NOP2: variants seen among roughly 807,000 people sequenced by gnomAD.
NOP2 encodes NOP2 nucleolar protein, also known as 28S rRNA (cytosine(4447)-C(5))-methyltransferase.
A neutral mutation model predicts 72.7 loss-of-function variants in NOP2; 7 were observed. The ratio of observed to expected loss-of-function variants is 0.10; its 90% CI spans 0.05 to 0.18. The LOEUF is 0.18. NOP2 is among the 10% of genes least tolerant of loss of function. The pLI, the probability that NOP2 is intolerant of heterozygous loss-of-function variation, is 1.00. For synonymous variants in NOP2, 387 were observed against 388.0 expected (o/e 1.00, Z 0.03); for missense variants, 954 against 1,014.7 (o/e 0.94, Z 0.81).
In NOP2 at chr12:6,561,815, G is replaced by A; in HGVS notation, c.1067-11C>T. 2 of 1,609,174 alleles carry A rather than the reference G, an allele frequency of 1.2e-6. No individual in the cohort carries two copies. The highest frequency in any genetic ancestry group is 1.1e-5 in the South Asian group (1 of 90,194). On this transcript the variant is annotated splice_polypyrimidine_tract_variant and intron_variant, in intron 10 of 15. Transcript: ENST00000322166. Reference sequence around the variant, plus strand: ...ACTCGGGGGTAGCACCTGTGGAGAAGGACCACCCTGTGACATGCGGTAGGG... The same window carrying A: ...ACTCGGGGGTAGCACCTGTGGAGAAAGACCACCCTGTGACATGCGGTAGGG...
In NOP2 at chr12:6,556,903, G is replaced by A; in HGVS notation, c.*90C>T. On this transcript the variant is annotated 3_prime_UTR_variant, in exon 16 of 16. Transcript: ENST00000322166. Reference sequence around the variant, plus strand: ...TTTAAAATGTGTATTAAATTTCATGGGTATGCACAGTAGAGAAGGCATCCT... The same window carrying A: ...TTTAAAATGTGTATTAAATTTCATGAGTATGCACAGTAGAGAAGGCATCCT... 1 of 1,427,792 alleles carries A rather than the reference G, an allele frequency of 7.0e-7. No homozygotes were observed. Among genetic ancestry groups the A allele is most frequent in the Non-Finnish European group, 9.6e-7 (1 of 1,037,042 alleles). The allele number at this position is 1,427,792 out of a possible 1,614,324, so 88.4% of individuals were successfully genotyped here.
Position 6,563,479 on chromosome 12 carries a change from G to A in NOP2, c.724C>T (p.Arg242Trp), listed in dbSNP as rs779039124. 8.7e-6 allele frequency: 14 copies of A among 1,612,256 alleles called. No individual in the cohort carries two copies. The highest frequency in any genetic ancestry group is 4.5e-5 in the East Asian group (2 of 44,860). The change falls in exon 8 of 16, where the codon CGG becomes TGG. Residue 242 changes from arginine to tryptophan, a missense_variant. Around this residue, in one of 3 missense-constraint regions of NOP2, gnomAD observed 498 missense variants for 478.3 expected, o/e 1.04. Coordinates refer to ENST00000322166, the MANE Select transcript of NOP2 (RefSeq NM_001258308.2). ...AGAATTCCCACAATATCCTGGATCCGCTTGTGAACTCGTTGCAGGTCTGGA... is the reference window on the plus strand; with the variant it reads ...AGAATTCCCACAATATCCTGGATCCACTTGTGAACTCGTTGCAGGTCTGGA... ...QAPDLQRVHK[R>W]IQDIVGILRD...
intron 4 of NOP2, 45 bp from the exon 5 acceptor site, chr12:6,566,381 C>T (rs756014677): frequency 5.0e-5 from 77 of 1,540,174 alleles, no homozygotes; most frequent in Non-Finnish European, 6.2e-5. Context: ...CACACATTCC[C>T]TGGCCCCACA....
chr12:6,558,596 T>G (rs1291827663), intron 15 of NOP2, among the ~76,000 whole-genome samples: 1 of 150,940 alleles, frequency 6.6e-6, no homozygotes, highest in East Asian at 1.9e-4. Flanking sequence ...TTTGAAGCAC[T>G]AGGCTTTATT....
At chr12:6,558,864 C>G (rs1488208442) in intron 15 of NOP2, among the ~76,000 whole-genome samples, 1 of 152,094 alleles carries the variant, frequency 6.6e-6, no homozygotes, top group East Asian at 1.9e-4. Context: ...CACACCTGGC[C>G]TATTTATTTT....
Position 6,563,366 on chromosome 12 carries a change from G to A in NOP2, c.837C>T (p.Ser279=). The A allele has an allele frequency of 6.2e-7, 1 of 1,603,982 alleles. No homozygotes were observed. The highest frequency in any genetic ancestry group is 8.5e-7 in the Non-Finnish European group (1 of 1,175,386). ...RLKKDLAIYY[S]YGDFLLGKLM... is the part of the protein sequence containing the mutation. The stretch of plus-strand genomic sequence containing the variant: ...GCTTGCCAAGCAGGAAGTCTCCATA[G>A]GAGTAGTAAATGGCCAGATCCTTCT... Residue 279 remains serine (S), a synonymous_variant, in exon 8 of 16, where the codon TCC becomes TCT. Transcript: ENST00000322166.
At chr12:6,567,694 A>G (rs1947817534) in intron 2 of NOP2, 122 bp downstream of exon 2, 4 of 732,568 alleles carry the variant, frequency 5.5e-6, no homozygotes, top group Non-Finnish European at 8.9e-6. Context: ...CATACCTCCT[A>G]GTAACTCATA....
rs1251541609 is a variant in NOP2 at position 6,560,826 on chromosome 12, C to CA, written c.1348-40dup. 2 of 1,608,334 alleles carry CA rather than the reference C, an allele frequency of 1.2e-6. No homozygotes were observed. The highest frequency in any genetic ancestry group is 2.7e-5 in the African/African-American group (2 of 74,700). On this transcript the variant is annotated intron_variant, in intron 12 of 15. Coordinates refer to ENST00000322166, the MANE Select transcript of NOP2 (RefSeq NM_001258308.2). This position sits in a 1 kb window ranked among gnomAD's most constrained non-coding sequence, Gnocchi z 5.0. The stretch of plus-strand genomic sequence containing the variant: ...ACAGATGAATCATATGTCTCTTCTG[C>CA]AACCAGCAGGGCAATATTTACTAGG...
chr12:6,560,464 A>G lies in NOP2; in HGVS notation c.1543T>C (p.Cys515Arg). Reference protein sequence around the residue: ...TSKTGGYLVYCTCSITVEENE... With the variant: ...TSKTGGYLVYRTCSITVEENE... ...GGTCTCACTGTGATAGAACAGGTGC[A>G]GTAAACCAGGTAGCCTCCTGTCTTG... Residue 515 changes from cysteine to arginine, a missense_variant, in exon 14 of 16, where the codon TGC (cysteine) becomes CGC (arginine). Physicochemically the swap from Cys to Arg is radical, Grantham distance 180. This residue lies in a region of NOP2 where 187 missense variants were observed against 276.2 expected (regional missense o/e 0.68). Transcript: ENST00000322166. This position sits in a 1 kb window ranked among gnomAD's most constrained non-coding sequence, Gnocchi z 5.0. 1.2e-6 allele frequency: 2 copies of G among 1,600,776 alleles called. No individual in the cohort carries two copies. The highest frequency in any genetic ancestry group is 1.7e-6 in the Non-Finnish European group (2 of 1,172,736).
In NOP2 at chr12:6,560,352, C is replaced by T. The variant is rs200285736; in HGVS notation, c.1561-26G>A. The T allele has an allele frequency of 1.9e-3, 3,054 of 1,609,350 alleles. 51 individuals are homozygous for T. In the South Asian group the frequency reaches 0.031, roughly 16 times the overall value. On this transcript the variant is annotated intron_variant, in intron 14 of 15. Transcript: ENST00000322166. The surrounding 1 kb of genome is among the most constrained non-coding windows in gnomAD (Gnocchi z 5.0). Reference sequence around the variant, plus strand: ...CTGGATGTGGGGGGAAGACAAAGAACGGAGGAAAAAGCAGAGCTGGAGCTG... The same window carrying T: ...CTGGATGTGGGGGGAAGACAAAGAATGGAGGAAAAAGCAGAGCTGGAGCTG...
At chr12:6,564,275 C>CAA (rs560024120) in intron 5 of NOP2, 14,688 of 73,794 alleles carry the variant, frequency 0.2, 1,302 homozygotes, top group African/African-American at 0.27. Flanking sequence ...GACTTCATCT[C>CAA]AAAAAAAAAA....
At chr12:6,566,881 G>A (rs1947793141) in intron 2 of NOP2, 59 bp from the exon 3 acceptor site, 4 of 1,390,784 alleles carry the variant, frequency 2.9e-6, no homozygotes, top group Admixed American at 3.9e-5. Context: ...AAATAAATGG[G>A]AACGGAAATA....
Position 6,557,188 on chromosome 12 carries a change from G to C in NOP2, c.2244C>G (p.Pro748=). ...TCTCAACCCCCTTGGCCCTTCCAAG[G>C]GGCTGATGATGGTCCTTAGGTTTCA... ...ATLKPKDHHQ[P]LGRAKGVEKQ... Residue 748 remains proline, a synonymous_variant, in exon 16 of 16, where the codon CCC becomes CCG. Transcript: ENST00000322166. 6.2e-7 allele frequency: 1 copy of C among 1,613,948 alleles called. No homozygotes were observed.
chr12:6,558,827 C>G (rs1368147285), intron 15 of NOP2, among the ~76,000 whole-genome samples: 1 of 152,024 alleles, frequency 6.6e-6, no homozygotes, highest in African/African-American at 2.4e-5. Context: ...TCCCAAAGTA[C>G]TGGGATTTAT....
chr12:6,564,438 AT>A (rs897066749), intron 5 of NOP2: 51 of 160,766 alleles, frequency 3.2e-4, no homozygotes, highest in South Asian at 1.4e-3. Flanking sequence ...ATTCTGCCAT[AT>A]TTTTTTTGAG....
In NOP2 at chr12:6,557,192, T is replaced by C; in HGVS notation, c.2240A>G (p.Gln747Arg). The C allele has an allele frequency of 2.5e-6, 4 of 1,613,970 alleles. No individual in the cohort carries two copies. The highest frequency in any genetic ancestry group is 3.4e-6 in the Non-Finnish European group (4 of 1,179,880). Residue 747 changes from glutamine to arginine, a missense_variant, in exon 16 of 16, where the codon CAG becomes CGG. Transcript: ENST00000322166. ...AACCCCCTTGGCCCTTCCAAGGGGCTGATGATGGTCCTTAGGTTTCAGGGT... is the reference window on the plus strand; with the variant it reads ...AACCCCCTTGGCCCTTCCAAGGGGCCGATGATGGTCCTTAGGTTTCAGGGT... Reference protein sequence around the residue: ...QATLKPKDHHQPLGRAKGVEK... With the variant: ...QATLKPKDHHRPLGRAKGVEK...
chr12:6,557,130 C>A lies in NOP2; in HGVS notation c.2302G>T (p.Ala768Ser), dbSNP rs776759001. Residue 768 changes from alanine to serine, a missense_variant, in exon 16 of 16, where the codon GCT becomes TCT. By Grantham distance (99) the Ala-to-Ser change is moderately conservative. This residue lies in a region of NOP2 where 269 missense variants were observed against 260.2 expected (regional missense o/e 1.03). Transcript: ENST00000322166. Reference sequence around the variant, plus strand: ...GTATCATTCTGTTTCTGGAAGGCAGCTTTCTCAAAAGGCTGCTCTGGCAAC... The same window carrying A: ...GTATCATTCTGTTTCTGGAAGGCAGATTTCTCAAAAGGCTGCTCTGGCAAC... ...QQLPEQPFEK[A>S]AFQKQNDTPK... 1.2e-6 allele frequency: 2 copies of A among 1,613,980 alleles called. No homozygotes were observed. The highest frequency in any genetic ancestry group is 1.7e-6 in the Non-Finnish European group (2 of 1,179,902).
At chr12:6,564,882 C>T (rs986751940) in intron 5 of NOP2, among the ~76,000 whole-genome samples, 2 of 151,930 alleles carry the variant, frequency 1.3e-5, no homozygotes, top group Non-Finnish European at 2.9e-5. Flanking sequence ...TGAACCATAA[C>T]TTACTTAAGC....
chr12:6,562,937 G>A, intron 9 of NOP2, 144 bp downstream of exon 9: 1 of 764,558 alleles, frequency 1.3e-6, no homozygotes. Flanking sequence ...TCCTGCCAGA[G>A]ACATCAGGCC....
Sources: allele counts gnomAD v4.1 joint callset (sites outside exome capture counted in the v4.1 genomes callset), GRCh38; gene constraint gnomAD v4.1.1; regional missense constraint gnomAD v4.1.1; non-coding constraint Gnocchi (gnomAD v3.1); transcripts MANE v1.5; gene names NCBI Gene and HGNC (gene_info 2026-07-23, HGNC 2026-07-21).